KIAA1549: variants seen among roughly 807,000 people sequenced by gnomAD.
The protein encoded by KIAA1549 is KIAA1549.
KIAA1549 carries 70 observed loss-of-function variants against 156.4 expected under a neutral mutation model. The ratio of observed to expected loss-of-function variants is 0.45; its 90% CI spans 0.37 to 0.55. The LOEUF is 0.55. KIAA1549 is among the 20% of genes least tolerant of loss of function. The pLI, the probability that KIAA1549 is intolerant of heterozygous loss-of-function variation, is 0.00. For synonymous variants in KIAA1549, 1,103 were observed against 1,066.4 expected (o/e 1.03, Z -0.67); for missense variants, 2,428 against 2,540.9 (o/e 0.96, Z 0.96).
chr7:138,908,641 C>T (rs549079594), intron 5 of KIAA1549, among the ~76,000 whole-genome samples: 42 of 152,266 alleles, frequency 2.8e-4, no homozygotes, highest in Middle Eastern at 6.8e-3. Flanking sequence ...GTACAACACC[C>T]GTTCTTAGTA....
At chr7:138,892,960 C>CT (rs1257977007) in intron 10 of KIAA1549, among the ~76,000 whole-genome samples, 4 of 152,206 alleles carry the variant, frequency 2.6e-5, no homozygotes, top group African/African-American at 9.6e-5. Flanking sequence ...ATCCAGCAGA[C>CT]TGTTAGTAAC....
chr7:138,916,931 T>C lies in KIAA1549; in HGVS notation c.2695A>G (p.Thr899Ala). ...GAATGGPLDS[T>A]LMGDAASQSP... ...TGACTTGCGGCGTCACCCATCAGGG[T>C]GGAGTCGAGGGGACCACCAGTGGCA... Residue 899 changes from threonine (T) to alanine (A), a missense_variant, in exon 2 of 20, where the codon ACC becomes GCC. Thr to Ala is a moderately conservative substitution (Grantham distance 58, BLOSUM62 0). Around this residue, in one of 5 missense-constraint regions of KIAA1549, gnomAD observed 762 missense variants for 901.6 expected, o/e 0.85. Coordinates refer to ENST00000422774, the MANE Select transcript of KIAA1549 (RefSeq NM_001164665.2). 6.2e-7 allele frequency: 1 copy of C among 1,611,112 alleles called. No homozygotes were observed. Among genetic ancestry groups the C allele is most frequent in the Non-Finnish European group, 8.5e-7 (1 of 1,178,434 alleles).
chr7:138,863,457 C>A lies in KIAA1549; in HGVS notation c.4930-2001G>T, dbSNP rs542022400. Among the ~76,000 whole-genome samples the A allele has an allele frequency of 3.3e-5, 5 of 152,176 alleles. No homozygotes were observed. In the South Asian group the frequency reaches 8.3e-4, roughly 25 times the overall value. On this transcript the variant is annotated intron_variant, in intron 15 of 19. Transcript: ENST00000422774. ...ACGGGTGATCAGTTATTATTCCTGCCAGCGTGAAGGGCAGTAGGTTCTTAA... is the reference window on the plus strand; with the variant it reads ...ACGGGTGATCAGTTATTATTCCTGCAAGCGTGAAGGGCAGTAGGTTCTTAA...
intron 1 of KIAA1549, among the ~76,000 whole-genome samples, chr7:138,964,099 T>C (rs998597209): frequency 2.0e-5 from 3 of 152,226 alleles, no homozygotes; most frequent in African/African-American, 7.2e-5. Context: ...CCTGCTTCAT[T>C]CATTTCTCTT....
chr7:138,875,875 A>C (rs1031271432), intron 12 of KIAA1549, among the ~76,000 whole-genome samples: 1 of 151,418 alleles, frequency 6.6e-6, no homozygotes. Flanking sequence ...AGATCACTGC[A>C]GCCTCGACCT....
intron 16 of KIAA1549, among the ~76,000 whole-genome samples, chr7:138,852,983 A>G (rs1480166039): frequency 1.3e-5 from 2 of 152,242 alleles, no homozygotes; most frequent in African/African-American, 4.8e-5. Context: ...AATATGCCAC[A>G]TGATTTAAGG....
intron 1 of KIAA1549, among the ~76,000 whole-genome samples, chr7:138,972,078 C>A (rs1584793985): frequency 6.6e-6 from 1 of 152,120 alleles, no homozygotes; most frequent in Admixed American, 6.5e-5. Context: ...GTGGTGGCAG[C>A]GATGGTACAG....
At chr7:138,840,590 G>C (rs576306541) in intron 18 of KIAA1549, among the ~76,000 whole-genome samples, 4 of 152,154 alleles carry the variant, frequency 2.6e-5, no homozygotes, top group Non-Finnish European at 5.9e-5. Context: ...GTCTGAAACA[G>C]AATTCTTGAC....
intron 8 of KIAA1549, 102 bp downstream of exon 8, chr7:138,903,486 C>G (rs1435239583): frequency 5.8e-6 from 7 of 1,215,582 alleles, no homozygotes; most frequent in Non-Finnish European, 7.9e-6. Context: ...TGGCACTTCT[C>G]ATTTGCATAA....
chr7:138,859,325 T>C (rs995057328), intron 16 of KIAA1549, among the ~76,000 whole-genome samples: 4 of 152,054 alleles, frequency 2.6e-5, no homozygotes, highest in Non-Finnish European at 1.5e-5. Context: ...AACACAGTCA[T>C]GTTGGGGGGT....
At chr7:138,898,910 T>C in intron 9 of KIAA1549, 45 bp downstream of exon 9, 2 of 1,589,126 alleles carry the variant, frequency 1.3e-6, no homozygotes, top group Non-Finnish European at 1.7e-6. Context: ...CTGGCTTTGG[T>C]GCCCAGCACA....
At chr7:138,855,477 G>A (rs908890736) in intron 16 of KIAA1549, among the ~76,000 whole-genome samples, 19 of 152,318 alleles carry the variant, frequency 1.2e-4, no homozygotes, top group African/African-American at 4.3e-4. Context: ...TCCAACTGAT[G>A]TCATGGTGTG....
rs191983249 is a variant in KIAA1549, at chr7:138,848,972, A to G, written c.5294+3251T>C. On this transcript the variant is annotated intron_variant, in intron 17 of 19. Transcript: ENST00000422774. ...AGTTTCAAACGCCTGAGCTTAAGCA[A>G]TCATCCCATCTCAGCCTCCAGAGTA... is the stretch of plus-strand genomic sequence containing the variant. Among the ~76,000 whole-genome samples the G allele has an allele frequency of 1.9e-3, 282 of 152,292 alleles. 2 individuals are homozygous for G. The highest frequency in any genetic ancestry group is 6.2e-3 in the African/African-American group (257 of 41,576).
intron 15 of KIAA1549, among the ~76,000 whole-genome samples, chr7:138,864,330 A>T (rs1187878444): frequency 6.6e-6 from 1 of 152,138 alleles, no homozygotes; most frequent in Admixed American, 6.5e-5. Context: ...TTCTATACCG[A>T]GAGAGATGAT....
rs113450115 is a variant in KIAA1549 at position 138,858,127 on chromosome 7, C to CT, written c.5247+3011dup. Among the ~76,000 whole-genome samples, 258 of 147,130 alleles carry CT rather than the reference C, an allele frequency of 1.8e-3. 1 individual carries two copies. Among genetic ancestry groups the CT allele is most frequent in the Admixed American group, 6.1e-3 (90 of 14,720 alleles). ...TGCTTTTCATTTCCTTGTCTGCCTT[C>CT]TTTTTTTTTTTGAGACAGAGTCTCA... On this transcript the variant is annotated intron_variant, in intron 16 of 19. Transcript: ENST00000422774.
rs1043162626 is a variant in KIAA1549, at chr7:138,868,233, G to A, written c.4776-105C>T. 26 of 1,092,112 alleles carry A rather than the reference G, an allele frequency of 2.4e-5. No homozygotes were observed. In the African/African-American group the frequency reaches 2.6e-4, roughly 11 times the overall value. 67.7% of individuals were successfully genotyped at this position (1,092,112 alleles called of 1,614,324 possible). Reference sequence around the variant, plus strand: ...TGAGTACCTAGGATGTGCTACCCCTGGAAACACCCCATAGGATATAAACGC... The same window carrying A: ...TGAGTACCTAGGATGTGCTACCCCTAGAAACACCCCATAGGATATAAACGC... On this transcript the variant is annotated intron_variant, in intron 14 of 19. Transcript: ENST00000422774.
chr7:138,923,022 T>C (rs532153023), intron 1 of KIAA1549, among the ~76,000 whole-genome samples: 1 of 151,512 alleles, frequency 6.6e-6, no homozygotes, highest in South Asian at 2.1e-4. Flanking sequence ...AAAGAGAAAT[T>C]GTAAAAGCAG....
chr7:138,958,590 C>T (rs572831280), intron 1 of KIAA1549, among the ~76,000 whole-genome samples: 8 of 152,254 alleles, frequency 5.3e-5, no homozygotes, highest in African/African-American at 1.9e-4. Flanking sequence ...CACTTACATC[C>T]CATGATGACA....
chr7:138,924,792 G>A (rs116672970), intron 1 of KIAA1549, among the ~76,000 whole-genome samples: 240 of 152,206 alleles, frequency 1.6e-3, no homozygotes, highest in African/African-American at 5.5e-3. Flanking sequence ...CATGAAAGGC[G>A]TCAGGGACTC....
Sources: gnomAD v4.1 joint callset for allele counts (sites outside exome capture counted in the v4.1 genomes callset) on GRCh38, gnomAD v4.1.1 for gene constraint, gnomAD v4.1.1 regional missense constraint, MANE v1.5 for transcripts, NCBI Gene and HGNC (gene_info 2026-07-23, HGNC 2026-07-21) for gene names.